The following CIAO1 variants were observed in gnomAD, a reference collection of about 807,000 sequenced individuals.
CIAO1 encodes the protein cytosolic iron-sulfur assembly component 1.
In CIAO1, 32 loss-of-function variants were observed where a neutral mutation model predicts 43.1. The ratio of observed to expected loss-of-function variants is 0.74; its 90% CI spans 0.56 to 1.00. CIAO1 has a LOEUF of 1.00. CIAO1 is among the 50% of genes least tolerant of loss of function. The probability of loss-of-function intolerance (pLI) is 0.00; values close to 1 mark genes in which losing one functional copy is unlikely to be tolerated. For synonymous variants in CIAO1, 183 were observed against 171.4 expected (o/e 1.07, Z -0.53); for missense variants, 415 against 437.4 (o/e 0.95, Z 0.46).
intron 4 of CIAO1, among the ~76,000 whole-genome samples, chr2:96,268,182 C>T (rs1428233827): frequency 2.0e-5 from 3 of 152,092 alleles, no homozygotes; most frequent in Non-Finnish European, 4.4e-5. Flanking sequence ...GGTGAAACTC[C>T]GTCTCTACTA....
intron 1 of CIAO1, 118 bp downstream of exon 1, chr2:96,266,607 T>C (rs1573979502): frequency 8.9e-7 from 1 of 1,127,692 alleles, no homozygotes; most frequent in South Asian, 3.3e-5. Flanking sequence ...AGTGGGATGT[T>C]AGCCACGCCG....
chr2:96,266,291 A>C lies in CIAO1; in HGVS notation c.-60A>C. 1 of 1,305,826 alleles carries C rather than the reference A, an allele frequency of 7.7e-7. No individual in the cohort carries two copies. Among genetic ancestry groups the C allele is most frequent in the African/African-American group, 1.5e-5 (1 of 65,286 alleles). The allele number at this position is 1,305,826 out of a possible 1,614,324, so 80.9% of individuals were successfully genotyped here. ...GGGCGGTACGCAGACGCGCGCGGTG[A>C]GACCCGCTGTCTGCTCAGCGGACTC... On this transcript the variant is annotated 5_prime_UTR_variant, in exon 1 of 7. Transcript: ENST00000488633.
Position 96,266,287 on chromosome 2 carries a change from G to C in CIAO1, c.-64G>C. 7.7e-7 allele frequency: 1 copy of C among 1,303,164 alleles called. No homozygotes were observed. Among genetic ancestry groups the C allele is most frequent in the Non-Finnish European group, 9.8e-7 (1 of 1,017,442 alleles). The allele number at this position is 1,303,164 out of a possible 1,614,324, so 80.7% of individuals were successfully genotyped here. A position where few individuals can be genotyped will look rare whatever the true frequency, so the allele number is the denominator to read the frequency against. On this transcript the variant is annotated 5_prime_UTR_variant, in exon 1 of 7. Coordinates refer to ENST00000488633, the MANE Select transcript of CIAO1 (RefSeq NM_004804.3). ...GAGTGGGCGGTACGCAGACGCGCGC[G>C]GTGAGACCCGCTGTCTGCTCAGCGG...
In CIAO1 at chr2:96,271,939, G is replaced by A. The variant is rs1202996454; in HGVS notation, c.*588G>A. On this transcript the variant is annotated 3_prime_UTR_variant, in exon 7 of 7. Coordinates refer to ENST00000488633, the MANE Select transcript of CIAO1 (RefSeq NM_004804.3). Reference sequence around the variant, plus strand: ...GCACCGTTACGCTGTGATGGCAACTGGGGATAGAAAAAAAATGGGGAAAGA... The same window carrying A: ...GCACCGTTACGCTGTGATGGCAACTAGGGATAGAAAAAAAATGGGGAAAGA... 1.3e-5 allele frequency: 2 copies of A among 152,138 alleles called. No homozygotes were observed. Among genetic ancestry groups the A allele is most frequent in the Non-Finnish European group, 2.9e-5 (2 of 68,086 alleles). 9.4% of individuals were successfully genotyped at this position (152,138 alleles called of 1,614,324 possible). A position where few individuals can be genotyped will look rare whatever the true frequency, so the allele number is the denominator to read the frequency against.
At chr2:96,268,698 A>C (rs1169352707) in intron 5 of CIAO1, 40 bp downstream of exon 5, 1 of 1,603,290 alleles carries the variant, frequency 6.2e-7, no homozygotes, top group Non-Finnish European at 8.5e-7. Flanking sequence ...CCCATCTCTC[A>C]AGGGGTTCAC....
rs1252706791 is a variant in CIAO1, at chr2:96,273,690, C to T, written c.*2339C>T. 6.8e-6 allele frequency among the ~76,000 whole-genome samples: 1 copy of T among 147,476 alleles called. No individual in the cohort carries two copies. Among genetic ancestry groups the T allele is most frequent in the East Asian group, 2.0e-4 (1 of 5,084 alleles). ...AAAAAAAAAAAAAAAAAAAAAATCA[C>T]TTGTAGTCTTGGTGTGGTATCAAAG... On this transcript the variant is annotated 3_prime_UTR_variant, in exon 7 of 7. Transcript: ENST00000488633.
At chr2:96,268,849 G>A in intron 5 of CIAO1, 191 bp downstream of exon 5, 1 of 599,594 alleles carries the variant, frequency 1.7e-6, no homozygotes, top group Non-Finnish European at 2.9e-6. Flanking sequence ...AAAAGGGTAT[G>A]TAGGATTTTA....
chr2:96,271,623 A>G lies in CIAO1; in HGVS notation c.*272A>G. On this transcript the variant is annotated 3_prime_UTR_variant, in exon 7 of 7. Transcript: ENST00000488633. ...ACAGTGTTAAATTTTTTGGAGGTAA[A>G]TATACTATTTATAATCACTATATAT... 4.8e-6 allele frequency: 2 copies of G among 415,364 alleles called. No homozygotes were observed. Among genetic ancestry groups the G allele is most frequent in the Non-Finnish European group, 8.8e-6 (2 of 226,446 alleles). 25.7% of individuals were successfully genotyped at this position (415,364 alleles called of 1,614,324 possible).
chr2:96,271,251 A>G lies in CIAO1; in HGVS notation c.920A>G (p.Asn307Ser), dbSNP rs191488251. Residue 307 changes from asparagine to serine, a missense_variant, in exon 7 of 7, where the codon AAC (asparagine) becomes AGC (serine). Coordinates refer to ENST00000488633, the MANE Select transcript of CIAO1 (RefSeq NM_004804.3). ...CATCAGGCCCATTCCCAGGATGTCA[A>G]CTGTGTGGCCTGGAACCCCAAGGAG... The part of the protein sequence containing the change: ...HLHQAHSQDV[N>S]CVAWNPKEPG... 6.2e-5 allele frequency: 100 copies of G among 1,614,260 alleles called. No individual in the cohort carries two copies. The East Asian group carries it at 6.2e-4, about 10-fold the overall frequency.
intron 5 of CIAO1, 155 bp from the exon 6 acceptor site, chr2:96,269,113 A>G (rs1412057299): frequency 3.0e-6 from 2 of 665,638 alleles, no homozygotes; most frequent in East Asian, 2.7e-5. Context: ...CAGTCTGGCT[A>G]TAGTGTGTAA....
rs6745581 is a variant in CIAO1 at position 96,269,425 on chromosome 2, C to T, written c.779+70C>T. ...GATTTTAGAGAAGGCATACCCTATG[C>T]AGTCCTCTGCAACCCTGGGGGAGTG... On this transcript the variant is annotated intron_variant, in intron 6 of 6. Transcript: ENST00000488633. The T allele has an allele frequency of 2.9e-6, 4 of 1,393,196 alleles. No homozygotes were observed. In the East Asian group the frequency reaches 9.1e-5, roughly 32 times the overall value. 86.3% of individuals were successfully genotyped at this position (1,393,196 alleles called of 1,614,324 possible).
Position 96,267,368 on chromosome 2 carries a change from AC to A in CIAO1, c.189del (p.Val64CysfsTer4), listed in dbSNP as rs1304776978. The part of the protein sequence containing the change: ...KSVLSEGHQR[T>X]VRKVAWSPCG... The stretch of plus-strand genomic sequence containing the variant: ...TGTCCTTTCTGAAGGCCACCAGCGC[AC>A]CGTGCGGAAGGTAGCCTGGTCCCCC... On this transcript the variant is annotated frameshift_variant, in exon 2 of 7. Transcript: ENST00000488633. LOFTEE classifies it high-confidence loss of function. The A allele has an allele frequency of 8.7e-6, 14 of 1,614,016 alleles. No individual in the cohort carries two copies. Among genetic ancestry groups the A allele is most frequent in the Non-Finnish European group, 1.2e-5 (14 of 1,180,012 alleles).
chr2:96,266,686 G>A (rs1167283585), intron 1 of CIAO1, among the ~76,000 whole-genome samples, 197 bp downstream of exon 1: 2 of 152,242 alleles, frequency 1.3e-5, no homozygotes, highest in African/African-American at 4.8e-5. Flanking sequence ...AAGCTGAAAT[G>A]TCAAGGGAAT....
chr2:96,267,938 A>G lies in CIAO1; in HGVS notation c.489+14A>G. The G allele has an allele frequency of 6.2e-7, 1 of 1,602,304 alleles. No individual in the cohort carries two copies. Among genetic ancestry groups the G allele is most frequent in the Non-Finnish European group, 8.6e-7 (1 of 1,169,354 alleles). The stretch of plus-strand genomic sequence containing the variant: ...CCAAGTCAGGAGGTAAGAGTCAAGC[A>G]GGGACTCTTGTGGGAAGGGCTCTGG... On this transcript the variant is annotated intron_variant, in intron 4 of 6. Coordinates refer to ENST00000488633, the MANE Select transcript of CIAO1 (RefSeq NM_004804.3).
Position 96,269,796 on chromosome 2 carries a change from C to T in CIAO1, c.779+441C>T, listed in dbSNP as rs536434517. ...CCAAGTAGCTGGGATTACAGGCGCC[C>T]GCCACCATGCCTGGCTAATTTTTTA... On this transcript the variant is annotated intron_variant, in intron 6 of 6. Coordinates refer to ENST00000488633, the MANE Select transcript of CIAO1 (RefSeq NM_004804.3). Among the ~76,000 whole-genome samples the T allele has an allele frequency of 3.8e-4, 58 of 152,136 alleles. No homozygotes were observed. In the South Asian group the frequency reaches 0.011, roughly 30 times the overall value.
In CIAO1 at chr2:96,266,276, C is replaced by T. The variant is rs1383686431; in HGVS notation, c.-75C>T. On this transcript the variant is annotated 5_prime_UTR_variant, in exon 1 of 7. Coordinates refer to ENST00000488633, the MANE Select transcript of CIAO1 (RefSeq NM_004804.3). ...GCGGAAGCCTGGAGTGGGCGGTACG[C>T]AGACGCGCGCGGTGAGACCCGCTGT... 8 of 1,293,766 alleles carry T rather than the reference C, an allele frequency of 6.2e-6. No homozygotes were observed. The highest frequency in any genetic ancestry group is 3.7e-5 in the Admixed American group (1 of 27,030). The allele number at this position is 1,293,766 out of a possible 1,614,324, so 80.1% of individuals were successfully genotyped here.
In CIAO1 at chr2:96,269,437, A is replaced by C. The variant is rs1684503597; in HGVS notation, c.779+82A>C. The C allele has an allele frequency of 3.8e-6, 5 of 1,310,972 alleles. No homozygotes were observed. In the South Asian group the frequency reaches 5.9e-5, roughly 16 times the overall value. 81.2% of individuals were successfully genotyped at this position (1,310,972 alleles called of 1,614,324 possible). ...GGCATACCCTATGCAGTCCTCTGCA[A>C]CCCTGGGGGAGTGCTTGGGAATTGA... On this transcript the variant is annotated intron_variant, in intron 6 of 6. Coordinates refer to ENST00000488633, the MANE Select transcript of CIAO1 (RefSeq NM_004804.3).
chr2:96,271,640 A>G lies in CIAO1; in HGVS notation c.*289A>G. The G allele has an allele frequency of 3.0e-6, 1 of 330,326 alleles. No individual in the cohort carries two copies. The highest frequency in any genetic ancestry group is 6.4e-5 in the East Asian group (1 of 15,678). 20.5% of individuals were successfully genotyped at this position (330,326 alleles called of 1,614,324 possible). A position where few individuals can be genotyped will look rare whatever the true frequency, so the allele number is the denominator to read the frequency against. ...GGAGGTAAATATACTATTTATAATCACTATATATAGTAGGAGGGGGTATGT... is the reference window on the plus strand; with the variant it reads ...GGAGGTAAATATACTATTTATAATCGCTATATATAGTAGGAGGGGGTATGT... On this transcript the variant is annotated 3_prime_UTR_variant, in exon 7 of 7. Coordinates refer to ENST00000488633, the MANE Select transcript of CIAO1 (RefSeq NM_004804.3).
In CIAO1 at chr2:96,266,376, G is replaced by A; in HGVS notation, c.26G>A (p.Gly9Asp). ...ATGAAGGACTCGCTGGTGCTGCTGG[G>A]CCGTGTCCCGGCGCACCCGGACTCC... MKDSLVLL[G>D]RVPAHPDSRC... is the part of the protein sequence containing the mutation. The change falls in exon 1 of 7, where the codon GGC becomes GAC. Residue 9 changes from glycine to aspartate, a missense_variant. Physicochemically the swap from Gly to Asp is moderately conservative, Grantham distance 94. Transcript: ENST00000488633. The A allele has an allele frequency of 1.3e-6, 2 of 1,505,716 alleles. No homozygotes were observed. The highest frequency in any genetic ancestry group is 1.4e-5 in the African/African-American group (1 of 70,502). 93.3% of individuals were successfully genotyped at this position (1,505,716 alleles called of 1,614,324 possible).
Sources: gnomAD v4.1 joint callset for allele counts (sites outside exome capture counted in the v4.1 genomes callset) on GRCh38, gnomAD v4.1.1 for gene constraint, MANE v1.5 for transcripts, NCBI Gene and HGNC (gene_info 2026-07-23, HGNC 2026-07-21) for gene names.